Variants in GBX1 observed in about 807,000 individuals in gnomAD.
GBX1 encodes the protein homeobox protein GBX-1.
A neutral mutation model predicts 22.9 loss-of-function variants in GBX1; 9 were observed. That is an observed-to-expected ratio of 0.39 (90% CI 0.24 to 0.69). GBX1 has a LOEUF of 0.69. GBX1 is among the 30% of genes least tolerant of loss of function. The pLI, the probability that GBX1 is intolerant of heterozygous loss-of-function variation, is 0.43. For missense variants in GBX1, 494 were observed against 509.2 expected, an observed-to-expected ratio of 0.97 and a Z score of 0.29; for synonymous variants, 203 against 227.3, an observed-to-expected ratio of 0.89 and a Z score of 0.96.
At chr7:151,164,070 A>C (rs1801223250) in intron 1 of GBX1, among the ~76,000 whole-genome samples, 1 of 152,234 alleles carries the variant, frequency 6.6e-6, no homozygotes, top group Non-Finnish European at 1.5e-5. Context: ...GTAATTCCCA[A>C]AGAAAATCAC....
In GBX1 at chr7:151,148,579, G is replaced by A. The variant is rs757328162; in HGVS notation, c.*10C>T. ...AGATCCCTCGCCTTCCTAAGTTCTT[G>A]GGTGCCCATTCAGGGCCGGGCCCCC... On this transcript the variant is annotated 3_prime_UTR_variant, in exon 2 of 2. Coordinates refer to ENST00000297537, the MANE Select transcript of GBX1 (RefSeq NM_001098834.3). The surrounding 1 kb of genome is among the most constrained non-coding windows in gnomAD (Gnocchi z 5.1). The A allele has an allele frequency of 3.7e-6, 6 of 1,610,592 alleles. No individual in the cohort carries two copies. Among genetic ancestry groups the A allele is most frequent in the Non-Finnish European group, 5.1e-6 (6 of 1,177,674 alleles).
At position 151,148,793 on chromosome 7, in the gene GBX1, G is replaced by A. The variant is rs762691879; in HGVS notation, c.888C>T (p.His296=). ...CCTGCACCTCACTGAGCTTGAGGGC[G>A]TGGGCGATCTGAGAGCGCTCTGTCA... is the stretch of plus-strand genomic sequence containing the variant. ...LSLTERSQIA[H]ALKLSEVQVK... is the part of the protein sequence containing the mutation. Residue 296 remains histidine, a synonymous_variant, in exon 2 of 2, where the codon CAC becomes CAT. Coordinates refer to ENST00000297537, the MANE Select transcript of GBX1 (RefSeq NM_001098834.3). The surrounding 1 kb of genome is among the most constrained non-coding windows in gnomAD (Gnocchi z 5.1). 21 of 1,614,068 alleles carry A rather than the reference G, an allele frequency of 1.3e-5. No homozygotes were observed. The East Asian group carries it at 2.2e-4, about 17-fold the overall frequency.
chr7:151,165,181 T>G (rs779473270), intron 1 of GBX1, among the ~76,000 whole-genome samples: 3 of 152,228 alleles, frequency 2.0e-5, no homozygotes, highest in Admixed American at 6.5e-5. Context: ...AGTATTTCTC[T>G]TCTGTTTTTT....
intron 1 of GBX1, among the ~76,000 whole-genome samples, chr7:151,166,163 G>A (rs991810096): frequency 3.3e-5 from 5 of 152,140 alleles, no homozygotes; most frequent in Non-Finnish European, 7.4e-5. Context: ...GAGGTCAGGA[G>A]GGCTCTAATT....
intron 1 of GBX1, 123 bp from the exon 2 acceptor site, chr7:151,149,265 C>T: frequency 1.1e-6 from 1 of 893,446 alleles, no homozygotes; most frequent in Non-Finnish European, 1.7e-6. Flanking sequence ...AAAAAGAGAG[C>T]CATGGAGAGG....
At chr7:151,166,485 C>A (rs542260816) in intron 1 of GBX1, among the ~76,000 whole-genome samples, 35 of 114,364 alleles carry the variant, frequency 3.1e-4, no homozygotes, top group Admixed American at 8.7e-4. Context: ...CCCCCCCCCC[C>A]CAACACACAC....
At chr7:151,165,741 C>T (rs1257955261) in intron 1 of GBX1, among the ~76,000 whole-genome samples, 2 of 152,056 alleles carry the variant, frequency 1.3e-5, no homozygotes, top group Non-Finnish European at 2.9e-5. Context: ...AATGCCAGGG[C>T]GAAAGGAGAA....
chr7:151,158,247 CTAA>C (rs1275506664), intron 1 of GBX1, among the ~76,000 whole-genome samples: 1 of 152,156 alleles, frequency 6.6e-6, no homozygotes, highest in African/African-American at 2.4e-5. Context: ...CCCATCCACG[CTAA>C]TGTTTCCATA....
chr7:151,148,649 A>G lies in GBX1; in HGVS notation c.1032T>C (p.His344=), dbSNP rs774547279. 6.2e-7 allele frequency: 1 copy of G among 1,614,068 alleles called. No individual in the cohort carries two copies. Among genetic ancestry groups the G allele is most frequent in the Non-Finnish European group, 8.5e-7 (1 of 1,180,024 alleles). The change falls in exon 2 of 2, where the codon CAT becomes CAC. Residue 344 remains histidine, a synonymous_variant. Coordinates refer to ENST00000297537, the MANE Select transcript of GBX1 (RefSeq NM_001098834.3). The surrounding 1 kb of genome is among the most constrained non-coding windows in gnomAD (Gnocchi z 5.1). ...NPKIVVPIPV[H]VNRFAVRSQH... is the part of the protein sequence containing the mutation. Reference sequence around the variant, plus strand: ...GGCTCCGCACAGCAAACCTGTTGACATGCACAGGTATGGGGACAACAATCT... The same window carrying G: ...GGCTCCGCACAGCAAACCTGTTGACGTGCACAGGTATGGGGACAACAATCT...
intron 1 of GBX1, 40 bp from the exon 2 acceptor site, chr7:151,149,182 C>A (rs1200336532): frequency 4.5e-6 from 7 of 1,558,044 alleles, no homozygotes; most frequent in Non-Finnish European, 6.0e-6. Context: ...GAGGGAGAAG[C>A]AAGAAAAAGA....
At chr7:151,156,641 T>G (rs1297371648) in intron 1 of GBX1, among the ~76,000 whole-genome samples, 1 of 152,088 alleles carries the variant, frequency 6.6e-6, no homozygotes, top group African/African-American at 2.4e-5. Context: ...TCTTTTGTCC[T>G]TATTGGTTTG....
At chr7:151,164,988 AACACACACACACAT>A (rs1309032707) in intron 1 of GBX1, among the ~76,000 whole-genome samples, 5 of 150,464 alleles carry the variant, frequency 3.3e-5, no homozygotes, top group Admixed American at 6.7e-5. Context: ...CACACACACA[AACACACACACACAT>A]ACACACACAC....
Position 151,167,259 on chromosome 7 carries a change from G to C in GBX1, c.290C>G (p.Ser97Trp). ...FCAGLGQAVP[S>W]MVALTTALPS... The stretch of plus-strand genomic sequence containing the variant: ...CAGCGCGGTGGTCAGCGCCACCATC[G>C]AGGGCACAGCCTGACCCAGCCCCGC... Residue 97 changes from serine (S) to tryptophan (W), a missense_variant, in exon 1 of 2, where the codon TCG (serine) becomes TGG (tryptophan). Physicochemically the swap from Ser to Trp is radical, Grantham distance 177. This residue lies in a region of GBX1 where 365 missense variants were observed against 340.4 expected (regional missense o/e 1.07). Coordinates refer to ENST00000297537, the MANE Select transcript of GBX1 (RefSeq NM_001098834.3). This position sits in a 1 kb window ranked among gnomAD's most constrained non-coding sequence, Gnocchi z 5.9. 2 of 1,550,544 alleles carry C rather than the reference G, an allele frequency of 1.3e-6. No individual in the cohort carries two copies. The highest frequency in any genetic ancestry group is 1.7e-4 in the Middle Eastern group (1 of 5,814).
chr7:151,166,507 C>T (rs1359582692), intron 1 of GBX1, among the ~76,000 whole-genome samples: 1 of 138,474 alleles, frequency 7.2e-6, no homozygotes, highest in Non-Finnish European at 1.5e-5. Flanking sequence ...CACACACACA[C>T]TCTTTTTGCC....
Position 151,167,160 on chromosome 7 carries a change from G to T in GBX1, c.389C>A (p.Ala130Asp). Residue 130 changes from alanine to aspartate, a missense_variant, in exon 1 of 2, where the codon GCC becomes GAC. By Grantham distance (126) the Ala-to-Asp change is moderately radical. Transcript: ENST00000297537. The surrounding 1 kb of genome is among the most constrained non-coding windows in gnomAD (Gnocchi z 5.9). ...ELAAAAAAAA[A>D]TAARNNPEPG... ...CTCGGGGTTGTTTCGGGCGGCAGTG[G>T]CGGCGGCGGCGGCAGCGGCGGCGGC... 1 of 1,549,548 alleles carries T rather than the reference G, an allele frequency of 6.5e-7. No homozygotes were observed. The highest frequency in any genetic ancestry group is 8.8e-7 in the Non-Finnish European group (1 of 1,142,364).
intron 1 of GBX1, among the ~76,000 whole-genome samples, chr7:151,161,713 C>T (rs899219674): frequency 1.4e-4 from 21 of 152,114 alleles, no homozygotes; most frequent in African/African-American, 3.6e-4. Context: ...ACATCATGCA[C>T]GCTGAAACAA....
At chr7:151,149,702 T>G in intron 1 of GBX1, 1 of 325,752 alleles carries the variant, frequency 3.1e-6, no homozygotes, top group African/African-American at 2.2e-5. Flanking sequence ...CTCCTAGGAG[T>G]CCTCATCTGG....
At chr7:151,154,946 A>G (rs185301848) in intron 1 of GBX1, among the ~76,000 whole-genome samples, 1 of 152,342 alleles carries the variant, frequency 6.6e-6, no homozygotes, top group Non-Finnish European at 1.5e-5. Flanking sequence ...ACCGAGGAGG[A>G]GGAGGAAAAG....
chr7:151,155,417 C>T (rs749730903), intron 1 of GBX1, among the ~76,000 whole-genome samples: 8 of 152,146 alleles, frequency 5.3e-5, no homozygotes, highest in African/African-American at 9.7e-5. Flanking sequence ...GTACTTTCTC[C>T]GATTGTTTAA....
Sources: allele counts gnomAD v4.1 joint callset (sites outside exome capture counted in the v4.1 genomes callset), GRCh38; gene constraint gnomAD v4.1.1; regional missense constraint gnomAD v4.1.1; non-coding constraint Gnocchi (gnomAD v3.1); transcripts MANE v1.5; gene names NCBI Gene and HGNC (gene_info 2026-07-23, HGNC 2026-07-21).